Variants in MAP3K5 observed in about 807,000 individuals in gnomAD.
The protein encoded by MAP3K5 is ASK-1.
MAP3K5 carries 56 observed loss-of-function variants against 158.7 expected under a neutral mutation model. The ratio of observed to expected loss-of-function variants is 0.35; its 90% CI spans 0.28 to 0.44. MAP3K5 has a LOEUF of 0.44. Ranked by LOEUF, MAP3K5 falls within the 20% of genes least tolerant of loss-of-function variation. The pLI, the probability that MAP3K5 is intolerant of heterozygous loss-of-function variation, is 1.00. For synonymous variants in MAP3K5, 579 were observed against 601.7 expected (o/e 0.96, Z 0.55); for missense variants, 1,294 against 1,674.8 (o/e 0.77, Z 3.97).
intron 14 of MAP3K5, among the ~76,000 whole-genome samples, chr6:136,627,125 G>GT (rs1180622955): frequency 6.6e-6 from 1 of 151,848 alleles, no homozygotes; most frequent in African/African-American, 2.4e-5. Flanking sequence ...TTAGAATTTT[G>GT]TTTTTTTCCT....
chr6:136,671,549 C>G (rs1362787986), intron 7 of MAP3K5, among the ~76,000 whole-genome samples: 1 of 152,166 alleles, frequency 6.6e-6, no homozygotes, highest in East Asian at 1.9e-4. Flanking sequence ...TTCTCCCATA[C>G]TGTAAAAGCA....
At chr6:136,566,685 C>T (rs1583191862) in intron 26 of MAP3K5, among the ~76,000 whole-genome samples, 1 of 152,286 alleles carries the variant, frequency 6.6e-6, no homozygotes, top group East Asian at 1.9e-4. Flanking sequence ...AATAAGACTG[C>T]TCTATGCACA....
chr6:136,654,090 G>A (rs1778638703), intron 10 of MAP3K5, among the ~76,000 whole-genome samples: 1 of 152,230 alleles, frequency 6.6e-6, no homozygotes, highest in African/African-American at 2.4e-5. Context: ...TAACACCTAT[G>A]TGCCTACCAC....
intron 1 of MAP3K5, among the ~76,000 whole-genome samples, chr6:136,735,651 C>T (rs1782425213): frequency 6.6e-6 from 1 of 151,954 alleles, no homozygotes; most frequent in Admixed American, 6.6e-5. Context: ...GCAACAAAGT[C>T]AGACCCCATC....
chr6:136,600,526 C>T (rs963640535), intron 21 of MAP3K5, among the ~76,000 whole-genome samples: 12 of 152,186 alleles, frequency 7.9e-5, no homozygotes, highest in East Asian at 3.9e-4. Context: ...CTTCTAAATG[C>T]TTTAATGGAT....
At chr6:136,669,145 T>C (rs3765259) in intron 8 of MAP3K5, 138 bp downstream of exon 8, 327,833 of 672,108 alleles carry the variant, frequency 0.49, 81,543 homozygotes, top group Admixed American at 0.59. Flanking sequence ...AACAAGGAGA[T>C]ATAATAAGTT....
At chr6:136,714,287 C>T (rs1009800263) in intron 2 of MAP3K5, among the ~76,000 whole-genome samples, 9 of 152,156 alleles carry the variant, frequency 5.9e-5, no homozygotes, top group Admixed American at 4.6e-4. Flanking sequence ...GGTGTCCTCA[C>T]CAATTTACAA....
chr6:136,664,355 G>A (rs1779136706), intron 8 of MAP3K5, among the ~76,000 whole-genome samples: 1 of 152,094 alleles, frequency 6.6e-6, no homozygotes, highest in African/African-American at 2.4e-5. Context: ...ATTATGGAGA[G>A]TTGTATAATT....
chr6:136,633,295 A>T (rs1324097201), intron 14 of MAP3K5, among the ~76,000 whole-genome samples: 1 of 152,010 alleles, frequency 6.6e-6, no homozygotes, highest in Non-Finnish European at 1.5e-5. Flanking sequence ...GCTACTCAAG[A>T]GGCTGCGGTG....
At chr6:136,708,834 A>G (rs1301272227) in intron 2 of MAP3K5, among the ~76,000 whole-genome samples, 2 of 152,208 alleles carry the variant, frequency 1.3e-5, no homozygotes, top group Non-Finnish European at 2.9e-5. Flanking sequence ...AACTTGATCT[A>G]TGGAGCATCT....
chr6:136,577,570 T>C (rs979322887), intron 25 of MAP3K5, among the ~76,000 whole-genome samples: 1 of 152,236 alleles, frequency 6.6e-6, no homozygotes, highest in Non-Finnish European at 1.5e-5. Flanking sequence ...ACATGGTTGA[T>C]CACAGCAGTG....
At chr6:136,753,949 G>A (rs1409339571) in intron 1 of MAP3K5, among the ~76,000 whole-genome samples, 1 of 152,222 alleles carries the variant, frequency 6.6e-6, no homozygotes, top group African/African-American at 2.4e-5. Flanking sequence ...CTAGTGAGAA[G>A]CAGCAAGTTC....
chr6:136,629,044 A>C (rs1280830806), intron 14 of MAP3K5: 1 of 152,260 alleles, frequency 6.6e-6, no homozygotes, highest in African/African-American at 2.4e-5. Context: ...GTTGTTGCTA[A>C]GGGAAACAAG....
At chr6:136,668,665 C>T (rs1056205573) in intron 8 of MAP3K5, among the ~76,000 whole-genome samples, 1 of 152,032 alleles carries the variant, frequency 6.6e-6, no homozygotes, top group Admixed American at 6.6e-5. Context: ...CACTAAGATG[C>T]CCTAACTTCT....
rs542957636 is a variant in MAP3K5 at position 136,724,825 on chromosome 6, T to C, written c.449-4236A>G. Among the ~76,000 whole-genome samples the C allele has an allele frequency of 1.1e-4, 16 of 152,298 alleles. No individual in the cohort carries two copies. In the South Asian group the frequency reaches 3.1e-3, roughly 30 times the overall value. Reference sequence around the variant, plus strand: ...CAAAATTCATTCTCTTTGTCTCTGATGTACAGTCTAATGGGCTTTGAAAAA... The same window carrying C: ...CAAAATTCATTCTCTTTGTCTCTGACGTACAGTCTAATGGGCTTTGAAAAA... On this transcript the variant is annotated intron_variant, in intron 1 of 29. Coordinates refer to ENST00000359015, the MANE Select transcript of MAP3K5 (RefSeq NM_005923.4).
intron 7 of MAP3K5, among the ~76,000 whole-genome samples, chr6:136,681,353 G>A (rs1465701499): frequency 2.6e-5 from 4 of 152,074 alleles, no homozygotes; most frequent in Admixed American, 2.6e-4. Flanking sequence ...TCTTATTCTG[G>A]CCATGTGCAA....
At chr6:136,710,360 C>T (rs992873020) in intron 2 of MAP3K5, among the ~76,000 whole-genome samples, 1 of 152,202 alleles carries the variant, frequency 6.6e-6, no homozygotes, top group African/African-American at 2.4e-5. Flanking sequence ...TACCCCACTA[C>T]AACTCCATAC....
intron 1 of MAP3K5, among the ~76,000 whole-genome samples, chr6:136,769,186 T>A (rs753299694): frequency 2.6e-5 from 4 of 152,120 alleles, no homozygotes; most frequent in African/African-American, 9.7e-5. Flanking sequence ...GTGAATGAAG[T>A]ACAGATCCCT....
At chr6:136,596,952 C>T (rs138278416) in intron 21 of MAP3K5, among the ~76,000 whole-genome samples, 11 of 152,224 alleles carry the variant, frequency 7.2e-5, no homozygotes, top group African/African-American at 2.2e-4. Flanking sequence ...AGCTCATACA[C>T]GTGAGTGATT....
Sources: allele counts gnomAD v4.1 joint callset (sites outside exome capture counted in the v4.1 genomes callset), GRCh38; gene constraint gnomAD v4.1.1; transcripts MANE v1.5; gene names NCBI Gene and HGNC (gene_info 2026-07-23, HGNC 2026-07-21).